Variants in CENPC observed in about 807,000 individuals in gnomAD.
CENPC encodes the protein CENP-C 1.
Under a neutral mutation model 112.1 loss-of-function variants are expected in CENPC, and 63 were observed. The observed-to-expected ratio is 0.56, with a 90% CI of 0.46 to 0.69. The LOEUF (loss-of-function observed/expected upper bound fraction) is 0.69. CENPC is among the 30% of genes least tolerant of loss of function. The pLI, the probability that CENPC is intolerant of heterozygous loss-of-function variation, is 0.00. For synonymous variants in CENPC, 333 were observed against 367.6 expected (o/e 0.91, Z 1.08); for missense variants, 1,000 against 1,103.8 (o/e 0.91, Z 1.33).
chr4:67,481,324 C>T (rs904798319), intron 17 of CENPC, among the ~76,000 whole-genome samples: 3 of 152,162 alleles, frequency 2.0e-5, no homozygotes, highest in Non-Finnish European at 4.4e-5. Flanking sequence ...AAATGACATA[C>T]TGCCAAAAGC....
chr4:67,525,094 C>A lies in CENPC; in HGVS notation c.332-5592G>T, dbSNP rs181974914. 3.0e-3 allele frequency among the ~76,000 whole-genome samples: 454 copies of A among 152,172 alleles called. 1 individual carries two copies. The highest frequency in any genetic ancestry group is 6.2e-3 in the Admixed American group (95 of 15,278). ...AATGAGGAAAGGATTCTCTGTTTAA[C>A]AAATGGTGCTGGGAAAACTGGCTAG... On this transcript the variant is annotated intron_variant, in intron 5 of 18. Coordinates refer to ENST00000273853, the MANE Select transcript of CENPC (RefSeq NM_001812.4).
intron 17 of CENPC, among the ~76,000 whole-genome samples, chr4:67,485,656 TCTC>T (rs1429205348): frequency 1.3e-5 from 2 of 152,144 alleles, no homozygotes; most frequent in African/African-American, 2.4e-5. Flanking sequence ...GATAATTATT[TCTC>T]CTCCTTATTT....
Position 67,514,093 on chromosome 4 carries a change from T to G in CENPC, c.1425A>C (p.Lys475Asn). 1 of 1,596,554 alleles carries G rather than the reference T, an allele frequency of 6.3e-7. No individual in the cohort carries two copies. Reference sequence around the variant, plus strand: ...ACTTACCCACAGGTGGCATCTGTTTTTTGGAAACACAATCATTTCCCATCT... The same window carrying G: ...ACTTACCCACAGGTGGCATCTGTTTGTTGGAAACACAATCATTTCCCATCT... Reference protein sequence around the residue: ...HEEMGNDCVSKKQMPPVGSKK... With the variant: ...HEEMGNDCVSNKQMPPVGSKK... The change falls in exon 8 of 19, where the codon AAA becomes AAC. Residue 475 changes from lysine (K) to asparagine (N), a missense_variant. Physicochemically the swap from Lys to Asn is moderately conservative, Grantham distance 94. Coordinates refer to ENST00000273853, the MANE Select transcript of CENPC (RefSeq NM_001812.4).
At chr4:67,506,634 T>C (rs1725740043) in intron 11 of CENPC, among the ~76,000 whole-genome samples, 154 bp downstream of exon 11, 1 of 152,200 alleles carries the variant, frequency 6.6e-6, no homozygotes, top group African/African-American at 2.4e-5. Flanking sequence ...CAAAACTAGC[T>C]AGCTAAGCCT....
chr4:67,529,451 G>A (rs1035101123), intron 5 of CENPC, among the ~76,000 whole-genome samples: 1 of 151,746 alleles, frequency 6.6e-6, no homozygotes, highest in Admixed American at 6.6e-5. Flanking sequence ...TCAGCCTCCC[G>A]AGTACCTGGG....
intron 14 of CENPC, chr4:67,493,617 T>A: frequency 3.4e-6 from 1 of 294,868 alleles, no homozygotes; most frequent in Non-Finnish European, 6.3e-6. Context: ...CCTTTACCAG[T>A]TACAATTTTC....
At chr4:67,477,102 C>G (rs1724825872) in intron 17 of CENPC, among the ~76,000 whole-genome samples, 2 of 152,160 alleles carry the variant, frequency 1.3e-5, no homozygotes. Flanking sequence ...TAGCCTAAGA[C>G]AGGAGCTATA....
At chr4:67,488,078 A>G (rs147982140) in intron 17 of CENPC, among the ~76,000 whole-genome samples, 1 of 151,930 alleles carries the variant, frequency 6.6e-6, no homozygotes, top group Non-Finnish European at 1.5e-5. Context: ...ACATAATCAC[A>G]GAGTAAAACA....
intron 10 of CENPC, 124 bp from the exon 11 acceptor site, chr4:67,507,058 G>C (rs1577987970): frequency 1.6e-6 from 1 of 633,456 alleles, no homozygotes; most frequent in East Asian, 3.1e-5. Flanking sequence ...AGATCACCCT[G>C]TTCAGGTTCT....
intron 12 of CENPC, among the ~76,000 whole-genome samples, chr4:67,504,512 T>G (rs1269311101): frequency 2.6e-5 from 4 of 152,150 alleles, no homozygotes; most frequent in Admixed American, 6.6e-5. Flanking sequence ...ATCTTTAAAC[T>G]TCAGTATGAA....
chr4:67,528,277 G>A (rs1288927609), intron 5 of CENPC, among the ~76,000 whole-genome samples: 1 of 152,060 alleles, frequency 6.6e-6, no homozygotes, highest in Admixed American at 6.6e-5. Flanking sequence ...TAGGAGGGAG[G>A]GGAGAATGGG....
At chr4:67,507,786 G>A (rs1323179537) in intron 10 of CENPC, among the ~76,000 whole-genome samples, 1 of 151,996 alleles carries the variant, frequency 6.6e-6, no homozygotes, top group Non-Finnish European at 1.5e-5. Flanking sequence ...AAAGACAACA[G>A]AAGCAAAGCA....
At chr4:67,527,185 C>G (rs562679103) in intron 5 of CENPC, among the ~76,000 whole-genome samples, 3 of 152,216 alleles carry the variant, frequency 2.0e-5, no homozygotes, top group African/African-American at 7.2e-5. Context: ...GGAAAAAGAG[C>G]TCAAATCAGT....
intron 4 of CENPC, among the ~76,000 whole-genome samples, chr4:67,535,440 GA>G (rs995961600): frequency 4.8e-5 from 7 of 145,136 alleles, no homozygotes; most frequent in South Asian, 2.2e-4. Context: ...GTAGATTGAA[GA>G]AAAAAAAAAG....
intron 12 of CENPC, among the ~76,000 whole-genome samples, 160 bp from the exon 13 acceptor site, chr4:67,495,372 A>T (rs1460722118): frequency 6.6e-6 from 1 of 152,218 alleles, no homozygotes; most frequent in Non-Finnish European, 1.5e-5. Flanking sequence ...AACTATAAAA[A>T]CTAAGGAAAA....
intron 2 of CENPC, among the ~76,000 whole-genome samples, chr4:67,543,825 T>C (rs1726953595): frequency 6.6e-6 from 1 of 152,232 alleles, no homozygotes; most frequent in Admixed American, 6.5e-5. Context: ...ATTTTTCTTT[T>C]TGCCCCACTG....
intron 17 of CENPC, among the ~76,000 whole-genome samples, chr4:67,487,570 G>A (rs1725127290): frequency 6.6e-6 from 1 of 151,520 alleles, no homozygotes. Context: ...TAAGTAGGTT[G>A]CTGTCACCTT....
chr4:67,520,788 G>T (rs1199032128), intron 5 of CENPC, among the ~76,000 whole-genome samples: 3 of 152,172 alleles, frequency 2.0e-5, no homozygotes, highest in Non-Finnish European at 1.5e-5. Flanking sequence ...AAAACGGGTG[G>T]ATCACTGGAG....
intron 1 of CENPC, among the ~76,000 whole-genome samples, chr4:67,544,892 G>C (rs1196322584): frequency 6.6e-6 from 1 of 152,126 alleles, no homozygotes; most frequent in Non-Finnish European, 1.5e-5. Flanking sequence ...CAACTACCAA[G>C]TGTGACGCAA....
Sources: allele counts gnomAD v4.1 joint callset (sites outside exome capture counted in the v4.1 genomes callset), GRCh38; gene constraint gnomAD v4.1.1; transcripts MANE v1.5; gene names NCBI Gene and HGNC (gene_info 2026-07-23, HGNC 2026-07-21).